Variants in BMERB1 observed in about 807,000 individuals in gnomAD.
BMERB1 encodes bMERB domain containing 1.
Under a neutral mutation model 23.6 loss-of-function variants are expected in BMERB1, and 12 were observed. The ratio of observed to expected loss-of-function variants is 0.51; its 90% CI spans 0.33 to 0.82. BMERB1 has a LOEUF of 0.82. BMERB1 is among the 40% of genes least tolerant of loss of function. The pLI, the probability that BMERB1 is intolerant of heterozygous loss-of-function variation, is 0.03. For missense variants in BMERB1, 247 were observed against 255.4 expected, an observed-to-expected ratio of 0.97 and a Z score of 0.22; for synonymous variants, 122 against 96.6, an observed-to-expected ratio of 1.26 and a Z score of -1.54.
chr16:15,536,021 A>T (rs2052021851), intron 2 of BMERB1, among the ~76,000 whole-genome samples: 1 of 152,124 alleles, frequency 6.6e-6, no homozygotes, highest in Non-Finnish European at 1.5e-5. Context: ...CTCCCTCGAC[A>T]CGTGGGGATT....
chr16:15,448,938 G>A (rs1275713899), intron 1 of BMERB1, among the ~76,000 whole-genome samples: 1 of 152,208 alleles, frequency 6.6e-6, no homozygotes, highest in East Asian at 1.9e-4. Context: ...CGGCAGCCAA[G>A]TGACAGTGTT....
intron 1 of BMERB1, among the ~76,000 whole-genome samples, chr16:15,469,916 A>T (rs7499020): frequency 0.89 from 135,676 of 152,198 alleles, 62,586 homozygotes; most frequent in East Asian, 1. Flanking sequence ...TAGACACTTA[A>T]GTCATCTGCA....
intron 2 of BMERB1, among the ~76,000 whole-genome samples, chr16:15,534,828 C>G (rs947297848): frequency 2.0e-5 from 3 of 152,142 alleles, no homozygotes; most frequent in South Asian, 2.1e-4. Flanking sequence ...TTGCCCTCTT[C>G]TAAGAAGCCA....
intron 2 of BMERB1, among the ~76,000 whole-genome samples, chr16:15,548,096 T>C (rs1289310649): frequency 6.6e-6 from 1 of 152,182 alleles, no homozygotes; most frequent in Non-Finnish European, 1.5e-5. Context: ...GTGATTCTCC[T>C]GCCTCAGCCT....
At chr16:15,497,863 G>A (rs1012844000) in intron 1 of BMERB1, among the ~76,000 whole-genome samples, 2 of 152,136 alleles carry the variant, frequency 1.3e-5, no homozygotes, top group Non-Finnish European at 2.9e-5. Flanking sequence ...TCACAGCAGC[G>A]TTCACTCTCC....
intron 1 of BMERB1, among the ~76,000 whole-genome samples, chr16:15,450,135 C>CT (rs1329335310): frequency 6.6e-6 from 1 of 151,940 alleles, no homozygotes; most frequent in Non-Finnish European, 1.5e-5. Flanking sequence ...CTCAGCTCTA[C>CT]CACCGTACTC....
chr16:15,470,127 CTTTA>C (rs1405880825), intron 1 of BMERB1, among the ~76,000 whole-genome samples: 7 of 152,114 alleles, frequency 4.6e-5, no homozygotes, highest in Non-Finnish European at 1.0e-4. Flanking sequence ...TGTAGATACA[CTTTA>C]TTAAGTTGAG....
At chr16:15,486,976 G>T (rs991280239) in intron 1 of BMERB1, among the ~76,000 whole-genome samples, 1 of 152,132 alleles carries the variant, frequency 6.6e-6, no homozygotes, top group African/African-American at 2.4e-5. Flanking sequence ...AAATAGTAAA[G>T]ATTTAACAAA....
rs12103305 is a variant in BMERB1 at position 15,492,614 on chromosome 16, G to A, written c.107-22691G>A. The stretch of plus-strand genomic sequence containing the variant: ...AACTCATCTTGATGGGATGTACCAC[G>A]GATGTGAAGTGATGAGAATGGTGGC... On this transcript the variant is annotated intron_variant, in intron 1 of 5. Transcript: ENST00000300006. Among the ~76,000 whole-genome samples, 519 of 152,242 alleles carry A rather than the reference G, an allele frequency of 3.4e-3. 1 individual carries two copies. The highest frequency in any genetic ancestry group is 0.011 in the African/African-American group (464 of 41,556).
intron 1 of BMERB1, among the ~76,000 whole-genome samples, chr16:15,469,438 C>T (rs1040223166): frequency 6.6e-6 from 1 of 152,154 alleles, no homozygotes; most frequent in African/African-American, 2.4e-5. Context: ...CCAGCTTATT[C>T]ATATTTCTCA....
chr16:15,435,647 C>G (rs1894277555), intron 1 of BMERB1, among the ~76,000 whole-genome samples: 1 of 152,170 alleles, frequency 6.6e-6, no homozygotes, highest in South Asian at 2.1e-4. Context: ...CTTCCTGCCT[C>G]GGCTCTGGGT....
chr16:15,533,103 A>C (rs12919246), intron 2 of BMERB1: 10 of 436,746 alleles, frequency 2.3e-5, no homozygotes, highest in East Asian at 2.1e-4. Context: ...GAGATCAAGC[A>C]TATTAAGTGC....
At chr16:15,543,882 T>G (rs896915198) in intron 2 of BMERB1, among the ~76,000 whole-genome samples, 2 of 152,224 alleles carry the variant, frequency 1.3e-5, no homozygotes, top group Admixed American at 6.5e-5. Flanking sequence ...CAAAAGAGTC[T>G]TTTGTTATGA....
At chr16:15,543,828 CAATT>C (rs2052108217) in intron 2 of BMERB1, among the ~76,000 whole-genome samples, 1 of 152,028 alleles carries the variant, frequency 6.6e-6, no homozygotes, top group Admixed American at 6.6e-5. Context: ...CTCTAAAACA[CAATT>C]AAAACAAAAA....
chr16:15,530,423 T>G (rs1388354215), intron 2 of BMERB1, among the ~76,000 whole-genome samples: 1 of 152,174 alleles, frequency 6.6e-6, no homozygotes, highest in African/African-American at 2.4e-5. Context: ...ATATATATTT[T>G]TCAGAGACGA....
intron 1 of BMERB1, among the ~76,000 whole-genome samples, chr16:15,473,720 A>G (rs1215201118): frequency 6.6e-6 from 1 of 152,220 alleles, no homozygotes; most frequent in East Asian, 1.9e-4. Context: ...TTCACAATTC[A>G]TAATTCTTTT....
intron 1 of BMERB1, among the ~76,000 whole-genome samples, chr16:15,474,475 C>T (rs2450357): frequency 0.49 from 74,217 of 151,934 alleles, 19,861 homozygotes; most frequent in Middle Eastern, 0.65. Context: ...AGTGATCTGC[C>T]TGCCTCAGCC....
chr16:15,448,105 G>A (rs536810989), intron 1 of BMERB1: 1 of 343,328 alleles, frequency 2.9e-6, no homozygotes, highest in African/African-American at 2.2e-5. Context: ...GGCCAGGCTG[G>A]TCTCAAACTC....
chr16:15,460,708 C>CT (rs2051127007), intron 1 of BMERB1, among the ~76,000 whole-genome samples: 1 of 152,126 alleles, frequency 6.6e-6, no homozygotes, highest in African/African-American at 2.4e-5. Flanking sequence ...TTAGTTCTGC[C>CT]TAGTTACAGG....
Sources: gnomAD v4.1 joint callset for allele counts (sites outside exome capture counted in the v4.1 genomes callset) on GRCh38, gnomAD v4.1.1 for gene constraint, MANE v1.5 for transcripts, NCBI Gene and HGNC (gene_info 2026-07-23, HGNC 2026-07-21) for gene names.